The following ITGB5 variants were observed in gnomAD, a reference collection of about 807,000 sequenced individuals.
ITGB5 encodes the protein integrin subunit beta 5.
ITGB5 carries 38 observed loss-of-function variants against 84.8 expected under a neutral mutation model. The ratio of observed to expected loss-of-function variants is 0.45; its 90% confidence interval spans 0.35 to 0.59. The LOEUF (loss-of-function observed/expected upper bound fraction) is 0.59, where lower values mean the gene tolerates loss of function less well. Among genes scored for constraint, ITGB5 ranks in the 20% least tolerant of loss-of-function variants. The pLI is 0.01. For synonymous variants in ITGB5, 393 were observed against 414.4 expected (o/e 0.95, Z 0.63); for missense variants, 905 against 1,034.5 (o/e 0.87, Z 1.72).
At chr3:124,766,140 G>A (rs2063764215) in intron 13 of ITGB5, 86 bp downstream of exon 13, 1 of 1,381,476 alleles carries the variant, frequency 7.2e-7, no homozygotes, top group Non-Finnish European at 1.0e-6. Context: ...GGACAGAAAG[G>A]GCAGTGGTCC....
intron 1 of ITGB5, among the ~76,000 whole-genome samples, chr3:124,894,287 C>T (rs1279873714): frequency 1.3e-5 from 2 of 151,828 alleles, no homozygotes; most frequent in Non-Finnish European, 2.9e-5. Flanking sequence ...GCGCCCACCA[C>T]CATGCCCGGC....
At chr3:124,825,308 A>G (rs991113128) in intron 5 of ITGB5, among the ~76,000 whole-genome samples, 4 of 152,206 alleles carry the variant, frequency 2.6e-5, no homozygotes, top group African/African-American at 7.2e-5. Context: ...ACAAAGTTAC[A>G]TATACACTTA....
chr3:124,884,951 T>C (rs1246990331), intron 1 of ITGB5, among the ~76,000 whole-genome samples: 2 of 151,958 alleles, frequency 1.3e-5, no homozygotes, highest in African/African-American at 2.4e-5. Flanking sequence ...GAAAGCAAGA[T>C]GCAAGTGGAA....
Position 124,796,807 on chromosome 3 carries a change from T to C in ITGB5, c.1274A>G (p.Glu425Gly), listed in dbSNP as rs1413301671. ...ACAGCTTCGGGCCTCCAATGATACTTCAAAAGATGCCTGGGCAGAAGGAAG... is the reference window on the plus strand; with the variant it reads ...ACAGCTTCGGGCCTCCAATGATACTCCAAAAGATGCCTGGGCAGAAGGAAG... ...GLKIGDTASF[E>G]VSLEARSCPS... The change falls in exon 10 of 15, where the codon GAA (glutamate) becomes GGA (glycine). Residue 425 changes from glutamate to glycine, a missense_variant. Glu to Gly is a moderately conservative substitution (Grantham distance 98, BLOSUM62 -2). Coordinates refer to ENST00000296181, the MANE Select transcript of ITGB5 (RefSeq NM_002213.5). 6.9e-6 allele frequency: 11 copies of C among 1,599,850 alleles called. No individual in the cohort carries two copies. The highest frequency in any genetic ancestry group is 9.4e-6 in the Non-Finnish European group (11 of 1,170,798).
chr3:124,809,877 T>C lies in ITGB5; in HGVS notation c.1129-721A>G, dbSNP rs140795555. ...GAACATCAAGTGTTGGGAAAGGATG[T>C]AGAGCAACTAGGGCTCCCCAACCCT... On this transcript the variant is annotated intron_variant, in intron 8 of 14. Coordinates refer to ENST00000296181, the MANE Select transcript of ITGB5 (RefSeq NM_002213.5). Among the ~76,000 whole-genome samples, 704 of 152,330 alleles carry C rather than the reference T, an allele frequency of 4.6e-3. 9 individuals carry two copies. The highest frequency in any genetic ancestry group is 0.016 in the African/African-American group (661 of 41,572).
intron 6 of ITGB5, among the ~76,000 whole-genome samples, chr3:124,820,995 A>T (rs1486138426): frequency 6.6e-6 from 1 of 152,132 alleles, no homozygotes; most frequent in African/African-American, 2.4e-5. Flanking sequence ...CCCTCCTTTA[A>T]GACACCCTCC....
At chr3:124,801,871 A>G (rs893637307) in intron 9 of ITGB5, among the ~76,000 whole-genome samples, 1 of 152,106 alleles carries the variant, frequency 6.6e-6, no homozygotes, top group East Asian at 1.9e-4. Context: ...TCTTGCCTCC[A>G]TGGCCGTCAC....
At chr3:124,820,876 T>G (rs1289635373) in intron 6 of ITGB5, among the ~76,000 whole-genome samples, 1 of 152,150 alleles carries the variant, frequency 6.6e-6, no homozygotes, top group Non-Finnish European at 1.5e-5. Flanking sequence ...CCACCACCAC[T>G]AACACTGACA....
At chr3:124,892,382 A>C (rs969380465), upstream of ITGB5, among the ~76,000 whole-genome samples, 1 of 151,768 alleles carries the variant, frequency 6.6e-6, no homozygotes, top group African/African-American at 2.4e-5. Flanking sequence ...CTGAATGGTA[A>C]ACTTAAAAAT....
In ITGB5 at chr3:124,848,508, C is replaced by T; in HGVS notation, c.412G>A (p.Val138Met). Residue 138 changes from valine (V) to methionine (M), a missense_variant, in exon 4 of 15, where the codon GTG becomes ATG. Physicochemically the swap from Val to Met is conservative, Grantham distance 21. Transcript: ENST00000296181. The part of the protein sequence containing the change: ...LQVRQVEDYP[V>M]DLYYLMDLSL... Reference sequence around the variant, plus strand: ...AGGTCCATCAGGTAGTACAGGTCCACAGGATAGTCCTCCACCTGGCGAACC... The same window carrying T: ...AGGTCCATCAGGTAGTACAGGTCCATAGGATAGTCCTCCACCTGGCGAACC... 1 of 1,614,092 alleles carries T rather than the reference C, an allele frequency of 6.2e-7. No individual in the cohort carries two copies.
chr3:124,896,678 G>A (rs1236481042), intron 1 of ITGB5, among the ~76,000 whole-genome samples: 4 of 150,212 alleles, frequency 2.7e-5, no homozygotes, highest in Admixed American at 6.7e-5. Flanking sequence ...CCAGGAGTTC[G>A]AGGTTATAGT....
At chr3:124,803,863 T>G (rs1559941962) in intron 9 of ITGB5, among the ~76,000 whole-genome samples, 1 of 152,254 alleles carries the variant, frequency 6.6e-6, no homozygotes, top group Non-Finnish European at 1.5e-5. Context: ...CAGAAAGCCC[T>G]GGCTTTGAAT....
At chr3:124,884,560 C>T (rs144347781) in intron 1 of ITGB5, among the ~76,000 whole-genome samples, 3,247 of 152,178 alleles carry the variant, frequency 0.021, 111 homozygotes, top group African/African-American at 0.069. Context: ...ATTAGCCAGG[C>T]GTGGTGGTAC....
chr3:124,849,844 A>G (rs2065128204), intron 3 of ITGB5, among the ~76,000 whole-genome samples: 1 of 122,364 alleles, frequency 8.2e-6, no homozygotes, highest in Non-Finnish European at 1.9e-5. Context: ...TTCTAAAAAC[A>G]AATCACTTAG....
At chr3:124,775,921 C>T (rs1302085090) in intron 10 of ITGB5, among the ~76,000 whole-genome samples, 1 of 152,246 alleles carries the variant, frequency 6.6e-6, no homozygotes, top group African/African-American at 2.4e-5. Context: ...GACAGCCAAG[C>T]CTCCCAACCC....
At chr3:124,766,448 G>T in intron 12 of ITGB5, 103 bp from the exon 13 acceptor site, 1 of 1,370,148 alleles carries the variant, frequency 7.3e-7, no homozygotes, top group African/African-American at 1.5e-5. Flanking sequence ...GAAAGGGCAT[G>T]GGGGGTGTGG....
intron 4 of ITGB5, among the ~76,000 whole-genome samples, chr3:124,843,697 T>C (rs1023736119): frequency 2.0e-5 from 3 of 152,132 alleles, no homozygotes; most frequent in Non-Finnish European, 4.4e-5. Flanking sequence ...TGATGAGTTA[T>C]CTGACTTAAC....
chr3:124,877,851 ATT>A (rs60168281), intron 1 of ITGB5, among the ~76,000 whole-genome samples: 15 of 150,070 alleles, frequency 1.0e-4, no homozygotes, highest in South Asian at 2.1e-4. Context: ...AAGCCACATA[ATT>A]TTTTTTTTTA....
chr3:124,833,866 G>A (rs1011318098), intron 5 of ITGB5, among the ~76,000 whole-genome samples: 2 of 152,204 alleles, frequency 1.3e-5, no homozygotes, highest in Non-Finnish European at 2.9e-5. Context: ...AGGGAGGCAG[G>A]CATTCCAGGA....
Sources: gnomAD v4.1 joint callset for allele counts (sites outside exome capture counted in the v4.1 genomes callset) on GRCh38, gnomAD v4.1.1 for gene constraint, MANE v1.5 for transcripts, NCBI Gene and HGNC (gene_info 2026-07-23, HGNC 2026-07-21) for gene names.